GTPBP4: variants seen among roughly 807,000 people sequenced by gnomAD.
GTPBP4 encodes the protein GTP binding protein 4, also known as GTP-binding protein 4.
A neutral mutation model predicts 81.7 loss-of-function variants in GTPBP4; 15 were observed. The ratio of observed to expected loss-of-function variants is 0.18; its 90% CI spans 0.12 to 0.28. The LOEUF (loss-of-function observed/expected upper bound fraction) is 0.28, where lower values mean the gene tolerates loss of function less well. GTPBP4 is among the 10% of genes least tolerant of loss of function. The pLI, the probability that GTPBP4 is intolerant of heterozygous loss-of-function variation, is 1.00. For missense variants in GTPBP4, 847 were observed against 793.8 expected (o/e 1.07, Z -0.81); for synonymous variants, 272 against 274.6 (o/e 0.99, Z 0.09).
rs904076832 is a variant in GTPBP4, at chr10:993,261, C to CT, written c.219+610dup. ...GCAGTTTGCCTGTTTCTTTTTTTCT[C>CT]TTTTTTTTGGAGACTGAGTCTCACT... On this transcript the variant is annotated intron_variant, in intron 2 of 16. Transcript: ENST00000360803. 4.6e-5 allele frequency among the ~76,000 whole-genome samples: 7 copies of CT among 151,842 alleles called. No individual in the cohort carries two copies. In the South Asian group the frequency reaches 6.2e-4, roughly 14 times the overall value.
At chr10:992,349 G>A (rs1193151556) in intron 1 of GTPBP4, 140 bp from the exon 2 acceptor site, 11 of 546,848 alleles carry the variant, frequency 2.0e-5, no homozygotes, top group South Asian at 9.8e-5. Context: ...GCAGTGAGCC[G>A]AGATCGTGCC....
Position 1,008,984 on chromosome 10 carries a change from A to G in GTPBP4, c.1140A>G (p.Gly380=), listed in dbSNP as rs748497614. The part of the protein sequence containing the change: ...DKERPPFIPE[G]VVARRKRMET... ...AGAGGCCCCCTTTCATCCCTGAAGG[A>G]GTGGTGGCTCGCAGGAAGAGGATGG... The change falls in exon 11 of 17, where the codon GGA becomes GGG. Residue 380 remains glycine (G), a synonymous_variant. Coordinates refer to ENST00000360803, the MANE Select transcript of GTPBP4 (RefSeq NM_012341.3). 2.4e-5 allele frequency: 38 copies of G among 1,612,216 alleles called. No individual in the cohort carries two copies. The highest frequency in any genetic ancestry group is 3.1e-5 in the Non-Finnish European group (37 of 1,178,406).
chr10:1,012,744 T>C, intron 14 of GTPBP4, 82 bp downstream of exon 14: 1 of 932,438 alleles, frequency 1.1e-6, no homozygotes, highest in Non-Finnish European at 1.6e-6. Flanking sequence ...ATAACAACTT[T>C]TCAACCCATT....
Position 992,651 on chromosome 10 carries a change from A to C in GTPBP4, c.211A>C (p.Lys71Gln). ...RLSQILTDFP[K>Q]LDDIHPFYAD... ...TTCACAAATTCTAACAGATTTCCCC[A>C]AATTGGATGTAAGTGACTTAGGGGA... is the stretch of plus-strand genomic sequence containing the variant. Residue 71 changes from lysine (K) to glutamine (Q), a missense_variant, in exon 2 of 17, where the codon AAA (lysine) becomes CAA (glutamine). Physicochemically the swap from Lys to Gln is moderately conservative, Grantham distance 53. Transcript: ENST00000360803. 6.2e-7 allele frequency: 1 copy of C among 1,600,906 alleles called. No homozygotes were observed. Among genetic ancestry groups the C allele is most frequent in the East Asian group, 2.2e-5 (1 of 44,804 alleles).
At chr10:1,016,140 C>T (rs1831988611) in intron 16 of GTPBP4, among the ~76,000 whole-genome samples, 2 of 152,182 alleles carry the variant, frequency 1.3e-5, no homozygotes, top group African/African-American at 2.4e-5. Flanking sequence ...GTGGCCAGAG[C>T]ATGGTCTGAC....
In GTPBP4 at chr10:992,571, G is replaced by A. The variant is rs1234992037; in HGVS notation, c.131G>A (p.Arg44Lys). Residue 44 changes from arginine (R) to lysine (K), a missense_variant, in exon 2 of 17, where the codon AGA becomes AAA. Arg to Lys is a conservative substitution (Grantham distance 26, BLOSUM62 2). Around this residue, in one of 3 missense-constraint regions of GTPBP4, gnomAD observed 241 missense variants for 216.3 expected, o/e 1.11. Coordinates refer to ENST00000360803, the MANE Select transcript of GTPBP4 (RefSeq NM_012341.3). ...AAACATTACCAAATACATCGCATTA[G>A]ACATTTTTACATGAGAAAAGTCAAA... is the stretch of plus-strand genomic sequence containing the variant. ...IHKHYQIHRIRHFYMRKVKFT... is the reference protein window; with the variant it reads ...IHKHYQIHRIKHFYMRKVKFT... The A allele has an allele frequency of 6.3e-7, 1 of 1,597,966 alleles. No individual in the cohort carries two copies. The highest frequency in any genetic ancestry group is 8.6e-7 in the Non-Finnish European group (1 of 1,165,616).
At chr10:1,008,009 A>G in intron 10 of GTPBP4, 2 of 510,856 alleles carry the variant, frequency 3.9e-6, no homozygotes, top group Non-Finnish European at 7.8e-6. Flanking sequence ...TTTAACTTCA[A>G]ATGTGCTGTA....
At chr10:1,015,459 A>T (rs1414551657) in intron 15 of GTPBP4, among the ~76,000 whole-genome samples, 2 of 67,024 alleles carry the variant, frequency 3.0e-5, no homozygotes, top group African/African-American at 6.4e-5. Flanking sequence ...TGAGCCTGGG[A>T]GTGGGGCTGG....
intron 13 of GTPBP4, among the ~76,000 whole-genome samples, chr10:1,012,037 T>C (rs111708756): frequency 8.0e-4 from 122 of 152,252 alleles, no homozygotes; most frequent in African/African-American, 2.6e-3. Context: ...GTTTTAGTTT[T>C]CATTTTTGTC....
chr10:998,330 G>C (rs2132160126), intron 5 of GTPBP4, among the ~76,000 whole-genome samples: 1 of 152,254 alleles, frequency 6.6e-6, no homozygotes, highest in Admixed American at 6.5e-5. Context: ...AAACTCCCGA[G>C]CTCAAGCCAT....
At chr10:999,669 G>A (rs542195475) in intron 6 of GTPBP4, among the ~76,000 whole-genome samples, 10 of 152,298 alleles carry the variant, frequency 6.6e-5, no homozygotes, top group South Asian at 6.2e-4. Context: ...GTTTAAAAGC[G>A]TGAAGCAGGC....
chr10:989,168 G>A (rs1209620698), intron 1 of GTPBP4, among the ~76,000 whole-genome samples: 1 of 143,508 alleles, frequency 7.0e-6, no homozygotes, highest in Non-Finnish European at 1.5e-5. Context: ...TGTTTCCCAG[G>A]CTGGAGCGCA....
chr10:998,228 T>C (rs1341836253), intron 5 of GTPBP4, among the ~76,000 whole-genome samples: 2 of 152,038 alleles, frequency 1.3e-5, no homozygotes, highest in Non-Finnish European at 2.9e-5. Flanking sequence ...GCCACCCAAG[T>C]AGCTGGGACC....
intron 8 of GTPBP4, among the ~76,000 whole-genome samples, chr10:1,005,419 C>T (rs1204452917): frequency 6.6e-6 from 1 of 152,218 alleles, no homozygotes; most frequent in Non-Finnish European, 1.5e-5. Flanking sequence ...GCTGGGATTA[C>T]AGGCATGAGC....
At position 1,017,243 on chromosome 10, in the gene GTPBP4, C is replaced by T. The variant is rs369588499; in HGVS notation, c.*16C>T. ...CAGGAGATAGTATCCGTTTGGTTGG[C>T]GTGGCTTCGCTAGAGTGTTGCTGTT... is the stretch of plus-strand genomic sequence containing the variant. On this transcript the variant is annotated 3_prime_UTR_variant, in exon 17 of 17. Coordinates refer to ENST00000360803, the MANE Select transcript of GTPBP4 (RefSeq NM_012341.3). The T allele has an allele frequency of 2.0e-5, 33 of 1,610,098 alleles. No homozygotes were observed. In the African/African-American group the frequency reaches 2.5e-4, roughly 12 times the overall value.
chr10:1,012,404 C>A, intron 13 of GTPBP4, 61 bp from the exon 14 acceptor site: 1 of 1,167,118 alleles, frequency 8.6e-7, no homozygotes, highest in Non-Finnish European at 1.2e-6. Flanking sequence ...CTCTGCCACA[C>A]TCACTGACTC....
intron 8 of GTPBP4, among the ~76,000 whole-genome samples, chr10:1,005,432 C>T (rs1207044052): frequency 6.6e-6 from 1 of 152,228 alleles, no homozygotes; most frequent in Non-Finnish European, 1.5e-5. Flanking sequence ...GCATGAGCCA[C>T]CGCGCCTGGC....
rs1199637634 is a variant in GTPBP4, at chr10:1,015,358, GGTGCGGGGCTGGGGTCCT to G, written c.1609-393_1609-376del. Reference sequence around the variant, plus strand: ...GACCTCATGCCTGTCGCTGAGCCTGGGTGCGGGGCTGGGGTCCTGAGCTCTGAGCCTGGGAGTGGACCT... The same window carrying G: ...GACCTCATGCCTGTCGCTGAGCCTGGGAGCTCTGAGCCTGGGAGTGGACCT... On this transcript the variant is annotated intron_variant, in intron 15 of 16. Transcript: ENST00000360803. Among the ~76,000 whole-genome samples the G allele has an allele frequency of 6.7e-4, 101 of 151,858 alleles. 3 individuals carry two copies. The highest frequency in any genetic ancestry group is 7.9e-4 in the Admixed American group (12 of 15,246).
intron 12 of GTPBP4, among the ~76,000 whole-genome samples, chr10:1,010,166 CGTGTGGGTGTTG>C (rs1190484544): frequency 7.7e-4 from 54 of 70,552 alleles, no homozygotes; most frequent in African/African-American, 1.8e-3. Flanking sequence ...GCTTTCTCCA[CGTGTGGGTGTTG>C]AATGAGGCTG....
Sources: allele counts gnomAD v4.1 joint callset (sites outside exome capture counted in the v4.1 genomes callset), GRCh38; gene constraint gnomAD v4.1.1; regional missense constraint gnomAD v4.1.1; transcripts MANE v1.5; gene names NCBI Gene and HGNC (gene_info 2026-07-23, HGNC 2026-07-21).